The following ITK variants were observed in gnomAD, a reference collection of about 807,000 sequenced individuals.
The protein encoded by ITK is IL2 inducible T cell kinase.
In ITK, 45 loss-of-function variants were observed where a neutral mutation model predicts 87.6. The ratio of observed to expected loss-of-function variants is 0.51; its 90% CI spans 0.40 to 0.66. The LOEUF is 0.66. ITK is among the 30% of genes least tolerant of loss of function. The pLI, the probability that ITK is intolerant of heterozygous loss-of-function variation, is 0.00. For missense variants in ITK, 605 were observed against 766.3 expected (o/e 0.79, Z 2.48); for synonymous variants, 303 against 273.6 (o/e 1.11, Z -1.06).
intron 8 of ITK, among the ~76,000 whole-genome samples, chr5:157,237,753 A>T (rs1412512138): frequency 6.6e-6 from 1 of 152,208 alleles, no homozygotes; most frequent in African/African-American, 2.4e-5. Context: ...GCTCTCTGGC[A>T]CTCAGTGTCA....
intron 6 of ITK, among the ~76,000 whole-genome samples, chr5:157,225,362 A>G (rs569730619): frequency 6.6e-6 from 1 of 152,138 alleles, no homozygotes; most frequent in East Asian, 1.9e-4. Flanking sequence ...TTTGCCACAT[A>G]ATTTCCTCAC....
chr5:157,248,551 T>C (rs183819311), intron 15 of ITK, among the ~76,000 whole-genome samples: 105 of 152,342 alleles, frequency 6.9e-4, no homozygotes, highest in African/African-American at 2.4e-3. Context: ...TCACACCTCC[T>C]GCACTCCATT....
chr5:157,186,356 C>A (rs376482774), intron 1 of ITK, among the ~76,000 whole-genome samples: 119 of 147,148 alleles, frequency 8.1e-4, no homozygotes, highest in African/African-American at 3.0e-3. Context: ...AGAAGCCCCG[C>A]TATGTGTCTT....
At chr5:157,241,598 C>A in intron 10 of ITK, 48 bp from the exon 11 acceptor site, 2 of 1,287,224 alleles carry the variant, frequency 1.6e-6, no homozygotes, top group Non-Finnish European at 2.3e-6. Context: ...TAGATGGTTG[C>A]TAGAGCAAAG....
At chr5:157,195,413 C>T (rs1197869609) in intron 1 of ITK, 2 of 152,116 alleles carry the variant, frequency 1.3e-5, no homozygotes, top group Non-Finnish European at 2.9e-5. Context: ...TTTTGTTTGG[C>T]GATCTTGTGA....
intron 9 of ITK, among the ~76,000 whole-genome samples, chr5:157,238,599 C>A (rs1754823749): frequency 6.6e-6 from 1 of 152,108 alleles, no homozygotes; most frequent in Non-Finnish European, 1.5e-5. Context: ...TATTATGTGC[C>A]AGAAAATATG....
At chr5:157,220,017 C>T (rs571983799) in intron 5 of ITK, among the ~76,000 whole-genome samples, 2 of 152,340 alleles carry the variant, frequency 1.3e-5, no homozygotes, top group South Asian at 2.1e-4. Context: ...TCCAATGCAA[C>T]GGTTCTCTTG....
intron 1 of ITK, among the ~76,000 whole-genome samples, chr5:157,192,635 A>C (rs1753774897): frequency 6.6e-6 from 1 of 152,230 alleles, no homozygotes; most frequent in Admixed American, 6.5e-5. Flanking sequence ...AAAACATTTT[A>C]ATATAAAATT....
At chr5:157,227,408 C>A (rs528666224) in intron 6 of ITK, among the ~76,000 whole-genome samples, 1 of 152,140 alleles carries the variant, frequency 6.6e-6, no homozygotes, top group Non-Finnish European at 1.5e-5. Context: ...GACTCCTGAT[C>A]CCCAAATCTA....
chr5:157,184,644 A>G (rs1474651417), intron 1 of ITK, among the ~76,000 whole-genome samples: 4 of 152,212 alleles, frequency 2.6e-5, no homozygotes, highest in African/African-American at 9.6e-5. Flanking sequence ...CAGACCAGAC[A>G]CTTGACCTCT....
At chr5:157,181,420 A>G (rs1753512808) in intron 1 of ITK, among the ~76,000 whole-genome samples, 1 of 152,204 alleles carries the variant, frequency 6.6e-6, no homozygotes, top group Non-Finnish European at 1.5e-5. Flanking sequence ...AAGTATTATG[A>G]TTCGATAAAA....
At chr5:157,203,887 G>A (rs73814036) in intron 1 of ITK, among the ~76,000 whole-genome samples, 2 of 152,158 alleles carry the variant, frequency 1.3e-5, no homozygotes, top group African/African-American at 4.8e-5. Flanking sequence ...CTATAAAAGT[G>A]CAGGGAAAAG....
At position 157,228,202 on chromosome 5, in the gene ITK, C is replaced by T. The variant is rs150860805; in HGVS notation, c.648-94C>T. ...GCAAATGCCAAATAATGTGATATTC[C>T]CCAATCTTTAAATGACTTTTAATGG... On this transcript the variant is annotated intron_variant, in intron 6 of 16. Coordinates refer to ENST00000422843, the MANE Select transcript of ITK (RefSeq NM_005546.4). 1,252 of 810,196 alleles carry T rather than the reference C, an allele frequency of 1.5e-3. 10 individuals carry two copies. In the African/African-American group the frequency reaches 0.018, roughly 12 times the overall value. 50.2% of individuals were successfully genotyped at this position (810,196 alleles called of 1,614,324 possible).
In ITK at chr5:157,232,322, A is replaced by G. The variant is rs1254185542; in HGVS notation, c.714-18A>G. The stretch of plus-strand genomic sequence containing the variant: ...CTTTAAAATATGTCATTGACATATG[A>G]CTTTTCCTTGCTTTCAGGTGGTACA... On this transcript the variant is annotated intron_variant, in intron 7 of 16. Transcript: ENST00000422843. 1 of 1,583,218 alleles carries G rather than the reference A, an allele frequency of 6.3e-7. No homozygotes were observed. Among genetic ancestry groups the G allele is most frequent in the South Asian group, 1.1e-5 (1 of 90,316 alleles).
At position 157,232,367 on chromosome 5, in the gene ITK, C is replaced by A. The variant is rs1294640313; in HGVS notation, c.741C>A (p.Asp247Glu). Residue 247 changes from aspartate to glutamate, a missense_variant, in exon 8 of 17, where the codon GAC becomes GAA. Asp to Glu is a conservative substitution (Grantham distance 45). This residue lies in a region of ITK where 464 missense variants were observed against 578.0 expected (regional missense o/e 0.80). Coordinates refer to ENST00000422843, the MANE Select transcript of ITK (RefSeq NM_005546.4). ...GGTACAATAAGAGTATCAGCCGAGA[C>A]AAAGCTGAAAAACTTCTTTTGGACA... is the stretch of plus-strand genomic sequence containing the variant. ...YEWYNKSISR[D>E]KAEKLLLDTG... The A allele has an allele frequency of 3.1e-6, 5 of 1,611,764 alleles. No homozygotes were observed. The highest frequency in any genetic ancestry group is 3.4e-6 in the Non-Finnish European group (4 of 1,178,196).
At chr5:157,198,374 A>C (rs1463425828) in intron 1 of ITK, among the ~76,000 whole-genome samples, 1 of 151,912 alleles carries the variant, frequency 6.6e-6, no homozygotes, top group Non-Finnish European at 1.5e-5. Context: ...CCAGGGTGTT[A>C]CTATTTTCAA....
At chr5:157,238,293 C>T (rs1754818210) in intron 9 of ITK, 102 bp downstream of exon 9, 6 of 879,434 alleles carry the variant, frequency 6.8e-6, no homozygotes, top group Non-Finnish European at 1.1e-5. Context: ...GAGGTAGAGG[C>T]TCACTAGAAA....
chr5:157,207,467 G>A (rs543273682), intron 1 of ITK, among the ~76,000 whole-genome samples: 27 of 125,616 alleles, frequency 2.1e-4, no homozygotes, highest in East Asian at 1.1e-3. Flanking sequence ...TGCAAGCTCC[G>A]CCTCCCGGAT....
chr5:157,198,864 C>A (rs1214040559), intron 1 of ITK, among the ~76,000 whole-genome samples: 1 of 152,164 alleles, frequency 6.6e-6, no homozygotes, highest in East Asian at 1.9e-4. Flanking sequence ...CCAGGCTCAA[C>A]TGATCCTCCT....
Sources: gnomAD v4.1 joint callset for allele counts (sites outside exome capture counted in the v4.1 genomes callset) on GRCh38, gnomAD v4.1.1 for gene constraint, gnomAD v4.1.1 regional missense constraint, MANE v1.5 for transcripts, NCBI Gene and HGNC (gene_info 2026-07-23, HGNC 2026-07-21) for gene names.